Variants in TRABD observed in about 807,000 individuals in gnomAD.
The protein encoded by TRABD is traB domain-containing protein.
In TRABD, 23 loss-of-function variants were observed where a neutral mutation model predicts 39.6. The ratio of observed to expected loss-of-function variants is 0.58; its 90% CI spans 0.42 to 0.82. The LOEUF is 0.82. Among genes scored for constraint, TRABD ranks in the 40% least tolerant of loss-of-function variants. The pLI, the probability that TRABD is intolerant of heterozygous loss-of-function variation, is 0.00. For missense variants in TRABD, 487 were observed against 544.9 expected (o/e 0.89, Z 1.06); for synonymous variants, 243 against 232.1 (o/e 1.05, Z -0.43).
At position 50,194,509 on chromosome 22, in the gene TRABD, G is replaced by T; in HGVS notation, c.279+3G>T. ...ACAGCAAGAGGGACGTTGTGAAGGT[G>T]AGCGCCGCCACCCGCCACATCCCGG... On this transcript the variant is annotated splice_donor_region_variant and intron_variant, in intron 4 of 9. Transcript: ENST00000380909. 1 of 1,554,046 alleles carries T rather than the reference G, an allele frequency of 6.4e-7. No homozygotes were observed. The highest frequency in any genetic ancestry group is 8.7e-7 in the Non-Finnish European group (1 of 1,148,992).
intron 1 of TRABD, among the ~76,000 whole-genome samples, chr22:50,192,650 C>T (rs1054988849): frequency 5.5e-5 from 7 of 126,908 alleles, no homozygotes; most frequent in African/African-American, 1.6e-4. Flanking sequence ...TCAGCAGCTG[C>T]GTTGCTGTGT....
At position 50,197,949 on chromosome 22, in the gene TRABD, G is replaced by A; in HGVS notation, c.798G>A (p.Met266Ile). Residue 266 changes from methionine to isoleucine, a missense_variant, in exon 8 of 10, where the codon ATG (methionine) becomes ATA (isoleucine). Coordinates refer to ENST00000380909, the MANE Select transcript of TRABD (RefSeq NM_001320485.2). ...VSERDVYLTY[M>I]LRQAARRLEL... ...AGCGCGACGTCTACCTAACCTACAT[G>A]CTGCGCCAGGCCGCGCGGCGCCTCG... is the stretch of plus-strand genomic sequence containing the variant. 1 of 1,612,772 alleles carries A rather than the reference G, an allele frequency of 6.2e-7. No individual in the cohort carries two copies. Among genetic ancestry groups the A allele is most frequent in the Non-Finnish European group, 8.5e-7 (1 of 1,179,878 alleles).
rs760343360 is a variant in TRABD at position 50,198,464 on chromosome 22, C to T, written c.1076C>T (p.Ser359Leu). The stretch of plus-strand genomic sequence containing the variant: ...CGCCGCACCGCGAGCCTGGTCCTGT[C>T]GCTGCCCGCCGCGCAGTACTGCCTG... The part of the protein sequence containing the change: ...MGRRTASLVL[S>L]LPAAQYCLQR... The change falls in exon 10 of 10, where the codon TCG becomes TTG. Residue 359 changes from serine (S) to leucine (L), a missense_variant. This residue lies in a region of TRABD where 123 missense variants were observed against 108.3 expected (regional missense o/e 1.14). Coordinates refer to ENST00000380909, the MANE Select transcript of TRABD (RefSeq NM_001320485.2). This position sits in a 1 kb window ranked among gnomAD's most constrained non-coding sequence, Gnocchi z 7.9. 1.8e-5 allele frequency: 28 copies of T among 1,594,512 alleles called. No homozygotes were observed. In the East Asian group the frequency reaches 1.8e-4, roughly 10 times the overall value.
At chr22:50,194,760 A>G (rs1248671129) in intron 4 of TRABD, 140 bp from the exon 5 acceptor site, 1 of 1,318,516 alleles carries the variant, frequency 7.6e-7, no homozygotes, top group Non-Finnish European at 1.0e-6. Context: ...TTGAGCTGTC[A>G]CTGCAGCAGC....
chr22:50,197,526 G>A lies in TRABD; in HGVS notation c.609G>A (p.Ala203=), dbSNP rs367943509. ...IPVTFKRAIA[A]LSFWQKVRLA... ...TCACCTTCAAGAGGGCCATCGCAGC[G>A]CTCTCCTTCTGGCAGAAGGTCAGGC... The change falls in exon 7 of 10, where the codon GCG becomes GCA. Residue 203 remains alanine, a synonymous_variant. Transcript: ENST00000380909. 5.3e-5 allele frequency: 85 copies of A among 1,613,696 alleles called. No homozygotes were observed. In the Admixed American group the frequency reaches 9.2e-4, roughly 17 times the overall value.
chr22:50,197,737 G>A, intron 7 of TRABD, 86 bp from the exon 8 acceptor site: 1 of 1,578,774 alleles, frequency 6.3e-7, no homozygotes, highest in Non-Finnish European at 8.6e-7. Flanking sequence ...AACGTGCTGT[G>A]GTCCCTGCCC....
rs1322749167 is a variant in TRABD at position 50,194,990 on chromosome 22, C to T, written c.370C>T (p.Arg124Trp). The part of the protein sequence containing the change: ...MLKMDESTLL[R>W]EAQELSLEKL... ...GAAGATGGACGAGAGCACGCTGCTG[C>T]GGGAGGCCCAGGAGCTCAGCCTGGA... is the stretch of plus-strand genomic sequence containing the variant. Residue 124 changes from arginine (R) to tryptophan (W), a missense_variant, in exon 5 of 10, where the codon CGG (arginine) becomes TGG (tryptophan). By Grantham distance (101) the Arg-to-Trp change is moderately radical. Around this residue, in one of 3 missense-constraint regions of TRABD, gnomAD observed 358 missense variants for 414.7 expected, o/e 0.86. Transcript: ENST00000380909. The T allele has an allele frequency of 9.3e-6, 15 of 1,610,096 alleles. No individual in the cohort carries two copies. The highest frequency in any genetic ancestry group is 1.3e-5 in the African/African-American group (1 of 74,898).
chr22:50,188,886 G>A (rs902762021), intron 1 of TRABD, among the ~76,000 whole-genome samples: 4 of 152,212 alleles, frequency 2.6e-5, no homozygotes, highest in African/African-American at 7.2e-5. Flanking sequence ...TCCTAGGGCC[G>A]CACACCTCAG....
chr22:50,187,923 T>C (rs989282451), intron 1 of TRABD, among the ~76,000 whole-genome samples: 2 of 148,006 alleles, frequency 1.4e-5, no homozygotes, highest in Admixed American at 1.4e-4. Flanking sequence ...GAGCTTGCAG[T>C]GAGCCGAGAT....
chr22:50,198,281 G>T lies in TRABD; in HGVS notation c.957-64G>T. 6.6e-7 allele frequency: 1 copy of T among 1,518,304 alleles called. No homozygotes were observed. Among genetic ancestry groups the T allele is most frequent in the Non-Finnish European group, 8.9e-7 (1 of 1,117,790 alleles). 94.1% of individuals were successfully genotyped at this position (1,518,304 alleles called of 1,614,324 possible). On this transcript the variant is annotated intron_variant, in intron 9 of 9. Transcript: ENST00000380909. This position sits in a 1 kb window ranked among gnomAD's most constrained non-coding sequence, Gnocchi z 7.9. ...CCAACCACATGCGGCAGTGACCCAG[G>T]CATGGGGGCTGGGGTATGGGGAGCC...
intron 1 of TRABD, chr22:50,192,120 T>C (rs1602437526): frequency 1.3e-5 from 2 of 152,362 alleles, no homozygotes; most frequent in African/African-American, 4.8e-5. Flanking sequence ...AGGACATGCA[T>C]GAGCCATTAA....
At chr22:50,194,270 G>T (rs1324733747) in intron 3 of TRABD, 70 bp from the exon 4 acceptor site, 2 of 1,561,746 alleles carry the variant, frequency 1.3e-6, no homozygotes. Context: ...CTAGAGCCCA[G>T]GCTGCCAGCG....
chr22:50,190,842 G>T (rs746985256), intron 1 of TRABD, among the ~76,000 whole-genome samples: 1 of 152,230 alleles, frequency 6.6e-6, no homozygotes, highest in Non-Finnish European at 1.5e-5. Context: ...CCTACAAAAG[G>T]GGAAGGAGGC....
intron 1 of TRABD, chr22:50,190,675 G>A (rs151004894): frequency 0.019 from 2,887 of 152,664 alleles, 59 homozygotes; most frequent in South Asian, 0.063. Flanking sequence ...CGCCCCGGCA[G>A]TCTTGCGCTG....
intron 4 of TRABD, 24 bp downstream of exon 4, chr22:50,194,530 C>A: frequency 6.4e-7 from 1 of 1,562,912 alleles, no homozygotes; most frequent in Non-Finnish European, 8.7e-7. Flanking sequence ...CCCGCCACAT[C>A]CCGGACACGG....
rs1337405620 is a variant in TRABD, at chr22:50,197,943, C to G, written c.792C>G (p.Thr264=). ...TCTCGGAGCGCGACGTCTACCTAAC[C>G]TACATGCTGCGCCAGGCCGCGCGGC... ...TIVSERDVYL[T]YMLRQAARRL... is the part of the protein sequence containing the mutation. The change falls in exon 8 of 10, where the codon ACC becomes ACG. Residue 264 remains threonine (T), a synonymous_variant. Coordinates refer to ENST00000380909, the MANE Select transcript of TRABD (RefSeq NM_001320485.2). The G allele has an allele frequency of 6.2e-7, 1 of 1,612,984 alleles. No homozygotes were observed. The highest frequency in any genetic ancestry group is 8.5e-7 in the Non-Finnish European group (1 of 1,179,948).
At chr22:50,195,076 G>A (rs765585879) in intron 5 of TRABD, 36 bp downstream of exon 5, 8 of 1,526,910 alleles carry the variant, frequency 5.2e-6, no homozygotes, top group South Asian at 3.6e-5. Flanking sequence ...GGTCAGGGTC[G>A]GGGTCAAAGC....
chr22:50,191,935 T>G (rs866204307), intron 1 of TRABD: 41 of 152,114 alleles, frequency 2.7e-4, no homozygotes, highest in African/African-American at 9.7e-4. Flanking sequence ...GTATTTTTGG[T>G]AGAGATGGGG....
intron 5 of TRABD, 72 bp downstream of exon 5, chr22:50,195,112 C>T: frequency 6.8e-7 from 1 of 1,480,826 alleles, no homozygotes; most frequent in Non-Finnish European, 9.0e-7. Flanking sequence ...TGCCCAGGTT[C>T]CTCTCACAGC....
Sources: gnomAD v4.1 joint callset for allele counts (sites outside exome capture counted in the v4.1 genomes callset) on GRCh38, gnomAD v4.1.1 for gene constraint, gnomAD v4.1.1 regional missense constraint, Gnocchi (gnomAD v3.1) non-coding constraint, MANE v1.5 for transcripts, NCBI Gene and HGNC (gene_info 2026-07-23, HGNC 2026-07-21) for gene names.